Variants in NDUFAF6 observed in about 807,000 individuals in gnomAD.
NDUFAF6 encodes NADH:ubiquinone oxidoreductase complex assembly factor 6.
Under a neutral mutation model 40.8 loss-of-function variants are expected in NDUFAF6, and 45 were observed. That is an observed-to-expected ratio of 1.10 (90% CI 0.87 to 1.42). The LOEUF is 1.42. NDUFAF6 is among the 40% of genes most tolerant of loss of function. The pLI, the probability that NDUFAF6 is intolerant of heterozygous loss-of-function variation, is 0.00. For synonymous variants in NDUFAF6, 185 were observed against 155.9 expected, an observed-to-expected ratio of 1.19 and a Z score of -1.39; for missense variants, 435 against 418.5, an observed-to-expected ratio of 1.04 and a Z score of -0.34.
upstream of NDUFAF6, chr8:94,895,804 T>G (rs1229086322): frequency 6.6e-6 from 1 of 151,928 alleles, no homozygotes; most frequent in African/African-American, 2.4e-5. Context: ...TAAACACCAC[T>G]CAGCCACGCG....
downstream of NDUFAF6, among the ~76,000 whole-genome samples, chr8:95,079,184 C>G (rs538783659): frequency 1.3e-5 from 2 of 152,138 alleles, no homozygotes; most frequent in Admixed American, 1.3e-4. Flanking sequence ...GTTGGTCAGG[C>G]TGGTCTCAAA....
At chr8:95,024,089 G>T (rs1169205338), upstream of NDUFAF6, among the ~76,000 whole-genome samples, 1 of 152,206 alleles carries the variant, frequency 6.6e-6, no homozygotes, top group African/African-American at 2.4e-5. Context: ...GAAAGGTCAG[G>T]TTTACATTGA....
intron 1 of NDUFAF6, among the ~76,000 whole-genome samples, chr8:94,901,575 C>T (rs971825764): frequency 5.3e-5 from 8 of 151,754 alleles, no homozygotes; most frequent in African/African-American, 7.3e-5. Flanking sequence ...TTTAACTTCC[C>T]TCTACATTTT....
intron 2 of NDUFAF6, among the ~76,000 whole-genome samples, chr8:95,007,403 C>G (rs930071794): frequency 6.6e-6 from 1 of 152,034 alleles, no homozygotes; most frequent in East Asian, 1.9e-4. Flanking sequence ...ATGACTCATG[C>G]CCATAATCCC....
intron 1 of NDUFAF6, among the ~76,000 whole-genome samples, chr8:94,920,111 A>G (rs1002955945): frequency 3.3e-5 from 5 of 152,168 alleles, no homozygotes; most frequent in Admixed American, 2.6e-4. Flanking sequence ...TTTGATATAT[A>G]ATGATAACAC....
At chr8:95,018,383 G>T (rs913307076) in intron 2 of NDUFAF6, among the ~76,000 whole-genome samples, 1 of 151,930 alleles carries the variant, frequency 6.6e-6, no homozygotes. Context: ...TACAGTGAGG[G>T]TTTCTTTTTA....
Position 94,980,592 on chromosome 8 carries a change from T to C in NDUFAF6, c.-198-267T>C, listed in dbSNP as rs909451649. ...CTGAATAGCTGGGATTATAGGTGCC[T>C]GTCACCACAACTGGCTAATTTTTGT... On this transcript the variant is annotated intron_variant, in intron 1 of 9. Transcript: ENST00000396111. Among the ~76,000 whole-genome samples the C allele has an allele frequency of 8.8e-4, 126 of 143,480 alleles. 3 individuals are homozygous for C. Among genetic ancestry groups the C allele is most frequent in the Non-Finnish European group, 2.6e-4 (17 of 66,382 alleles). 94.1% of individuals were successfully genotyped at this position (143,480 alleles called of 152,430 possible).
At chr8:94,953,654 G>T (rs1822824099), upstream of NDUFAF6, among the ~76,000 whole-genome samples, 1 of 152,214 alleles carries the variant, frequency 6.6e-6, no homozygotes, top group Non-Finnish European at 1.5e-5. Context: ...ACCTGAGGTG[G>T]GTCTGTAATC....
intron 2 of NDUFAF6, among the ~76,000 whole-genome samples, chr8:95,002,413 T>G (rs1826778502): frequency 6.6e-6 from 1 of 152,168 alleles, no homozygotes; most frequent in African/African-American, 2.4e-5. Flanking sequence ...AACTAACACA[T>G]ACAAGTCCAA....
chr8:94,961,194 A>G (rs1823541517), intron 1 of NDUFAF6, among the ~76,000 whole-genome samples: 3 of 152,194 alleles, frequency 2.0e-5, no homozygotes, highest in African/African-American at 7.2e-5. Context: ...AAAATTCACC[A>G]CTACACTCTC....
intron 2 of NDUFAF6, among the ~76,000 whole-genome samples, chr8:95,012,861 A>G (rs543925489): frequency 6.6e-6 from 1 of 152,122 alleles, no homozygotes; most frequent in Non-Finnish European, 1.5e-5. Flanking sequence ...TGGGTAATAA[A>G]AACTATGTAA....
chr8:95,089,558 A>G (rs4734298), intron 2 of NDUFAF6, among the ~76,000 whole-genome samples: 106,508 of 152,018 alleles, frequency 0.7, 37,986 homozygotes, highest in East Asian at 0.89. Context: ...TCAGAGTTTT[A>G]CAGAGTGGAT....
chr8:95,028,833 T>G (rs916537951), intron 1 of NDUFAF6, among the ~76,000 whole-genome samples: 1 of 152,222 alleles, frequency 6.6e-6, no homozygotes. Flanking sequence ...TAAACACTTC[T>G]GAAGTTTGGA....
At chr8:94,980,092 G>A (rs1260528361) in intron 1 of NDUFAF6, among the ~76,000 whole-genome samples, 1 of 150,354 alleles carries the variant, frequency 6.7e-6, no homozygotes. Flanking sequence ...GTGAGACTCT[G>A]TCTCAAAGCG....
chr8:94,927,410 A>C (rs942199598), intron 1 of NDUFAF6: 2 of 152,204 alleles, frequency 1.3e-5, no homozygotes, highest in Non-Finnish European at 2.9e-5. Flanking sequence ...CTGTCTTCTC[A>C]CTCAAAGTAC....
At chr8:94,973,001 CA>C (rs1184823045) in intron 1 of NDUFAF6, among the ~76,000 whole-genome samples, 1 of 152,024 alleles carries the variant, frequency 6.6e-6, no homozygotes, top group Admixed American at 6.6e-5. Flanking sequence ...TGCTTGAGCC[CA>C]GGAGTTCGAG....
At chr8:94,996,834 G>A (rs537138867) in intron 2 of NDUFAF6, among the ~76,000 whole-genome samples, 1 of 152,298 alleles carries the variant, frequency 6.6e-6, no homozygotes, top group South Asian at 2.1e-4. Flanking sequence ...AACAGGTACA[G>A]AAGGAAGAAC....
At chr8:95,008,276 C>G (rs1367852314) in intron 2 of NDUFAF6, among the ~76,000 whole-genome samples, 1 of 152,094 alleles carries the variant, frequency 6.6e-6, no homozygotes, top group Non-Finnish European at 1.5e-5. Context: ...CAACTCTTAC[C>G]CATTTCAACT....
intron 1 of NDUFAF6, among the ~76,000 whole-genome samples, chr8:94,933,529 C>T (rs984056470): frequency 6.6e-6 from 1 of 151,620 alleles, no homozygotes; most frequent in Non-Finnish European, 1.5e-5. Flanking sequence ...CTTTGGAAGG[C>T]CAAGGCAGGT....
Sources: gnomAD v4.1 joint callset for allele counts (sites outside exome capture counted in the v4.1 genomes callset) on GRCh38, gnomAD v4.1.1 for gene constraint, MANE v1.5 for transcripts, NCBI Gene and HGNC (gene_info 2026-07-23, HGNC 2026-07-21) for gene names.